Variants in TMEM163 observed in about 807,000 individuals in gnomAD.
The protein encoded by TMEM163 is transmembrane protein 163.
A neutral mutation model predicts 29.3 loss-of-function variants in TMEM163; 17 were observed. The ratio of observed to expected loss-of-function variants is 0.58; its 90% CI spans 0.40 to 0.87. The LOEUF is 0.87. Among genes scored for constraint, TMEM163 ranks in the 40% least tolerant of loss-of-function variants. The pLI is 0.00. For missense variants in TMEM163, 303 were observed against 381.5 expected, an observed-to-expected ratio of 0.79 and a Z score of 1.71; for synonymous variants, 157 against 160.6, an observed-to-expected ratio of 0.98 and a Z score of 0.17.
chr2:134,530,979 A>G (rs906543471), intron 4 of TMEM163, among the ~76,000 whole-genome samples: 2 of 152,166 alleles, frequency 1.3e-5, no homozygotes, highest in African/African-American at 4.8e-5. Flanking sequence ...CATTTCCTCA[A>G]CTGTGGTTTG....
chr2:134,677,129 G>A (rs776350518), intron 2 of TMEM163, among the ~76,000 whole-genome samples: 5 of 152,098 alleles, frequency 3.3e-5, no homozygotes, highest in Admixed American at 6.5e-5. Flanking sequence ...AGCTTCCGGC[G>A]ACCCTGCTCT....
intron 2 of TMEM163, among the ~76,000 whole-genome samples, chr2:134,599,314 T>C (rs1440658701): frequency 6.6e-6 from 1 of 152,176 alleles, no homozygotes; most frequent in Non-Finnish European, 1.5e-5. Flanking sequence ...ACTAAATGTT[T>C]ATGCCTCTCC....
chr2:134,542,290 C>T (rs1392861951), intron 4 of TMEM163, among the ~76,000 whole-genome samples: 1 of 152,232 alleles, frequency 6.6e-6, no homozygotes, highest in African/African-American at 2.4e-5. Context: ...GACCCTCCCT[C>T]CCTTTCATGG....
intron 2 of TMEM163, among the ~76,000 whole-genome samples, chr2:134,655,060 C>T (rs1252684463): frequency 8.5e-6 from 1 of 117,336 alleles, no homozygotes; most frequent in Non-Finnish European, 1.7e-5. Flanking sequence ...ATCTTTGTGG[C>T]GTTCTCTGTA....
intron 1 of TMEM163, 62 bp downstream of exon 1, chr2:134,718,672 G>A: frequency 1.8e-6 from 2 of 1,089,962 alleles, no homozygotes; most frequent in Non-Finnish European, 1.1e-6. Flanking sequence ...CCCGCGAGTG[G>A]GGAGAGGCGG....
chr2:134,596,505 G>A (rs1025635377), intron 2 of TMEM163, among the ~76,000 whole-genome samples: 3 of 152,124 alleles, frequency 2.0e-5, no homozygotes, highest in African/African-American at 7.2e-5. Context: ...ATGCTGTTTT[G>A]GTTACTGTAG....
At chr2:134,479,425 C>A (rs1245290054) in intron 5 of TMEM163, among the ~76,000 whole-genome samples, 1 of 152,100 alleles carries the variant, frequency 6.6e-6, no homozygotes, top group Non-Finnish European at 1.5e-5. Flanking sequence ...CCCTATTGAA[C>A]AAAATGTTTA....
At chr2:134,612,230 C>T (rs902118094) in intron 2 of TMEM163, among the ~76,000 whole-genome samples, 1 of 152,170 alleles carries the variant, frequency 6.6e-6, no homozygotes, top group African/African-American at 2.4e-5. Flanking sequence ...GCTCTATCTC[C>T]AGGGTGCTTG....
chr2:134,536,228 AC>A (rs1325793695), intron 4 of TMEM163, among the ~76,000 whole-genome samples: 1 of 89,428 alleles, frequency 1.1e-5, no homozygotes, highest in African/African-American at 4.5e-5. Flanking sequence ...AACCTAAAAC[AC>A]CATTTTTTTT....
intron 2 of TMEM163, among the ~76,000 whole-genome samples, chr2:134,688,054 T>A (rs1684383905): frequency 6.6e-6 from 1 of 152,034 alleles, no homozygotes; most frequent in South Asian, 2.1e-4. Flanking sequence ...ACAAAGCCAC[T>A]ACCGGCCGCT....
At chr2:134,578,688 G>A (rs1345475086) in intron 2 of TMEM163, among the ~76,000 whole-genome samples, 1 of 152,140 alleles carries the variant, frequency 6.6e-6, no homozygotes, top group Non-Finnish European at 1.5e-5. Context: ...ATCTGACACA[G>A]GGCCTAGACT....
intron 2 of TMEM163, among the ~76,000 whole-genome samples, chr2:134,687,468 C>T (rs760656062): frequency 6.6e-6 from 1 of 152,134 alleles, no homozygotes; most frequent in Non-Finnish European, 1.5e-5. Context: ...AATAACAATG[C>T]ACAATGAATG....
chr2:134,465,080 G>A (rs551809282), intron 6 of TMEM163, among the ~76,000 whole-genome samples: 32 of 151,672 alleles, frequency 2.1e-4, no homozygotes, highest in East Asian at 7.8e-4. Context: ...ACCCGGGCAC[G>A]GTGGCTCACA....
chr2:134,667,806 G>A (rs1239424888), intron 2 of TMEM163, among the ~76,000 whole-genome samples: 1 of 152,218 alleles, frequency 6.6e-6, no homozygotes, highest in African/African-American at 2.4e-5. Flanking sequence ...TAGTCACACA[G>A]TTAATCGTTA....
At chr2:134,639,539 G>A (rs1005324215) in intron 2 of TMEM163, among the ~76,000 whole-genome samples, 3 of 152,200 alleles carry the variant, frequency 2.0e-5, no homozygotes, top group Non-Finnish European at 2.9e-5. Flanking sequence ...TTTCTGCAGT[G>A]AGAGAAGCTT....
chr2:134,663,307 G>T (rs1017680518), intron 2 of TMEM163, among the ~76,000 whole-genome samples: 4 of 152,184 alleles, frequency 2.6e-5, no homozygotes, highest in African/African-American at 9.7e-5. Flanking sequence ...AATATTTCAA[G>T]GCCTGCTGGG....
At chr2:134,468,732 G>A (rs899950489) in intron 5 of TMEM163, 1 of 152,202 alleles carries the variant, frequency 6.6e-6, no homozygotes, top group Non-Finnish European at 1.5e-5. Context: ...TAGGCCCCTA[G>A]GGCACAGGGC....
At chr2:134,519,667 G>A (rs1031718412) in intron 4 of TMEM163, among the ~76,000 whole-genome samples, 9 of 151,856 alleles carry the variant, frequency 5.9e-5, no homozygotes, top group Admixed American at 1.3e-4. Flanking sequence ...AGCCGAGATC[G>A]TGCCACTGCC....
At chr2:134,507,577 C>G (rs922051065) in intron 4 of TMEM163, among the ~76,000 whole-genome samples, 15 of 152,140 alleles carry the variant, frequency 9.9e-5, no homozygotes, top group Admixed American at 3.3e-4. Context: ...TTAAGAACCA[C>G]TGAATAGGCC....
Sources: allele counts gnomAD v4.1 joint callset (sites outside exome capture counted in the v4.1 genomes callset), GRCh38; gene constraint gnomAD v4.1.1; transcripts MANE v1.5; gene names NCBI Gene and HGNC (gene_info 2026-07-23, HGNC 2026-07-21).